Variants in CSMD1 observed in about 807,000 individuals in gnomAD.
CSMD1 encodes CUB and Sushi multiple domains 1.
In CSMD1, 213 loss-of-function variants were observed where a neutral mutation model predicts 417.5. The observed-to-expected ratio is 0.51, with a 90% CI of 0.46 to 0.57. The LOEUF (loss-of-function observed/expected upper bound fraction) is 0.57. Among genes scored for constraint, CSMD1 ranks in the 20% least tolerant of loss-of-function variants. The pLI, the probability that CSMD1 is intolerant of heterozygous loss-of-function variation, is 0.00. For missense variants in CSMD1, 6,923 were observed against 4,529.7 expected, an observed-to-expected ratio of 1.53 and a Z score of -15.17; for synonymous variants, 2,862 against 1,736.8, an observed-to-expected ratio of 1.65 and a Z score of -16.11.
chr8:4,776,129 G>A (rs1796841639), intron 1 of CSMD1, among the ~76,000 whole-genome samples: 1 of 152,088 alleles, frequency 6.6e-6, no homozygotes, highest in African/African-American at 2.4e-5. Flanking sequence ...AATCACAGAT[G>A]ATCCAGAACA....
rs186485793 is a variant in CSMD1, at chr8:4,101,939, G to C, written c.416-69840C>G. ...CATTTTCCCAGTGGACTTGCTGTTA[G>C]AGCTTCTAATAGAGAAAGGAGGACT... On this transcript the variant is annotated intron_variant, in intron 3 of 69. Coordinates refer to ENST00000635120, the MANE Select transcript of CSMD1 (RefSeq NM_033225.6). Among the ~76,000 whole-genome samples, 27 of 152,264 alleles carry C rather than the reference G, an allele frequency of 1.8e-4. No homozygotes were observed. The East Asian group carries it at 5.2e-3, about 30-fold the overall frequency.
chr8:3,755,989 T>A (rs933611917), intron 5 of CSMD1, among the ~76,000 whole-genome samples: 1 of 152,072 alleles, frequency 6.6e-6, no homozygotes, highest in Non-Finnish European at 1.5e-5. Context: ...ATACGGAGAA[T>A]GTCTAAAAAA....
chr8:3,174,670 T>C (rs900236571), intron 37 of CSMD1, among the ~76,000 whole-genome samples: 3 of 152,226 alleles, frequency 2.0e-5, no homozygotes, highest in Non-Finnish European at 4.4e-5. Flanking sequence ...TAAATACCAT[T>C]TCCTTTTATG....
At chr8:3,772,770 G>C (rs1239837119) in intron 5 of CSMD1, among the ~76,000 whole-genome samples, 1 of 150,350 alleles carries the variant, frequency 6.7e-6, no homozygotes, top group East Asian at 1.9e-4. Context: ...TTGAACGAAT[G>C]TCTGGTCTAT....
intron 6 of CSMD1, 46 bp downstream of exon 6, chr8:3,753,884 A>G (rs1481558854): frequency 4.4e-6 from 6 of 1,351,132 alleles, no homozygotes; most frequent in South Asian, 1.2e-5. Context: ...ATCAAAATAT[A>G]TTACGCTCTG....
chr8:4,919,367 A>T (rs1455125748), intron 1 of CSMD1, among the ~76,000 whole-genome samples: 1 of 152,198 alleles, frequency 6.6e-6, no homozygotes, highest in African/African-American at 2.4e-5. Context: ...AAAATTTAGC[A>T]TAAACAAATA....
rs116285540 is a variant in CSMD1 at position 3,946,106 on chromosome 8, C to T, written c.818+51797G>A. 4.9e-3 allele frequency among the ~76,000 whole-genome samples: 739 copies of T among 152,248 alleles called. 6 individuals carry two copies. Among genetic ancestry groups the T allele is most frequent in the African/African-American group, 0.017 (689 of 41,562 alleles). ...GATCTGTGGAGGACTTTATCGCTTG[C>T]ACCTTGGAACTGATTCCATGCACAT... On this transcript the variant is annotated intron_variant, in intron 5 of 69. Coordinates refer to ENST00000635120, the MANE Select transcript of CSMD1 (RefSeq NM_033225.6).
intron 1 of CSMD1, among the ~76,000 whole-genome samples, chr8:4,892,268 G>A (rs1246689648): frequency 6.6e-6 from 1 of 152,040 alleles, no homozygotes; most frequent in Non-Finnish European, 1.5e-5. Flanking sequence ...CACCTGGGTA[G>A]CCAGGTGTCC....
intron 47 of CSMD1, among the ~76,000 whole-genome samples, chr8:3,096,596 C>A (rs1815316720): frequency 6.6e-6 from 1 of 152,082 alleles, no homozygotes; most frequent in African/African-American, 2.4e-5. Flanking sequence ...TCTTTTTCTT[C>A]CTAGTCTTGG....
At chr8:3,794,906 C>T (rs1195083988) in intron 5 of CSMD1, among the ~76,000 whole-genome samples, 1 of 151,680 alleles carries the variant, frequency 6.6e-6, no homozygotes, top group Non-Finnish European at 1.5e-5. Context: ...TAATGGTTTC[C>T]TACCCATTTT....
chr8:3,278,238 G>A (rs1802456315), intron 26 of CSMD1: 1 of 152,176 alleles, frequency 6.6e-6, no homozygotes, highest in South Asian at 2.1e-4. Context: ...AATGTAACAT[G>A]GAATTACAAG....
intron 1 of CSMD1, among the ~76,000 whole-genome samples, chr8:4,958,963 T>G (rs1278144077): frequency 6.6e-6 from 1 of 152,102 alleles, no homozygotes; most frequent in Non-Finnish European, 1.5e-5. Flanking sequence ...CTTGTGAGAA[T>G]TACAAAATTA....
intron 25 of CSMD1, among the ~76,000 whole-genome samples, chr8:3,296,187 G>A (rs4875557): frequency 6.6e-6 from 1 of 151,670 alleles, no homozygotes; most frequent in African/African-American, 2.4e-5. Flanking sequence ...TAAATGGGGT[G>A]GTTAGGCTAA....
rs1351895164 is a variant in CSMD1, at chr8:3,237,469, C to CA, written c.4154-7239dup. Among the ~76,000 whole-genome samples the CA allele has an allele frequency of 1.3e-4, 20 of 149,186 alleles. No individual in the cohort carries two copies. In the Admixed American group the frequency reaches 1.3e-3, roughly 10 times the overall value. On this transcript the variant is annotated intron_variant, in intron 26 of 69. Coordinates refer to ENST00000635120, the MANE Select transcript of CSMD1 (RefSeq NM_033225.6). ...GAGACTCCATCTCAAAACAAAAAAC[C>CA]AAAAAACCACAACTTTGCATATAAA...
intron 5 of CSMD1, among the ~76,000 whole-genome samples, chr8:3,990,865 G>C (rs530112049): frequency 5.6e-4 from 85 of 152,228 alleles, no homozygotes; most frequent in African/African-American, 1.7e-3. Flanking sequence ...CCCCTTCACA[G>C]AGAGCCACCT....
chr8:4,731,535 C>T (rs532908056), intron 1 of CSMD1, among the ~76,000 whole-genome samples: 1 of 152,110 alleles, frequency 6.6e-6, no homozygotes. Context: ...TCTATTTGTT[C>T]TTTTGTTCAT....
chr8:4,613,275 A>C (rs1236192193), intron 2 of CSMD1, among the ~76,000 whole-genome samples: 3 of 152,208 alleles, frequency 2.0e-5, no homozygotes, highest in African/African-American at 7.2e-5. Flanking sequence ...GAGCCAAGGC[A>C]CGCCATCCAT....
At chr8:4,932,065 A>C (rs1444663773) in intron 1 of CSMD1, among the ~76,000 whole-genome samples, 1 of 151,674 alleles carries the variant, frequency 6.6e-6, no homozygotes, top group Admixed American at 6.6e-5. Context: ...GGTATATATT[A>C]AACAATAGCA....
intron 37 of CSMD1, among the ~76,000 whole-genome samples, chr8:3,176,246 G>A (rs1820929046): frequency 6.6e-6 from 1 of 152,078 alleles, no homozygotes; most frequent in Admixed American, 6.6e-5. Context: ...TAAATGGAAA[G>A]CAATTCTTAA....
Sources: gnomAD v4.1 joint callset for allele counts (sites outside exome capture counted in the v4.1 genomes callset) on GRCh38, gnomAD v4.1.1 for gene constraint, MANE v1.5 for transcripts, NCBI Gene and HGNC (gene_info 2026-07-23, HGNC 2026-07-21) for gene names.